Variants in PLD5 observed in about 807,000 individuals in gnomAD.
The protein encoded by PLD5 is phospholipase D family member 5, also known as inactive phospholipase D5.
A neutral mutation model predicts 61.1 loss-of-function variants in PLD5; 36 were observed. The observed-to-expected ratio is 0.59, with a 90% CI of 0.45 to 0.78. The LOEUF is 0.78. Among genes scored for constraint, PLD5 ranks in the 30% least tolerant of loss-of-function variants. The probability of loss-of-function intolerance (pLI) is 0.00; values close to 1 mark genes in which losing one functional copy is unlikely to be tolerated. For synonymous variants in PLD5, 243 were observed against 242.8 expected (o/e 1.00, Z -0.01); for missense variants, 515 against 644.4 (o/e 0.80, Z 2.17).
chr1:242,124,155 G>A (rs1662599379), intron 6 of PLD5, among the ~76,000 whole-genome samples: 1 of 152,204 alleles, frequency 6.6e-6, no homozygotes, highest in Admixed American at 6.5e-5. Context: ...CATCGGATGG[G>A]CTTTTTGCTA....
At chr1:242,519,138 T>C (rs1669197495) in intron 1 of PLD5, among the ~76,000 whole-genome samples, 1 of 152,254 alleles carries the variant, frequency 6.6e-6, no homozygotes, top group South Asian at 2.1e-4. Flanking sequence ...TAAAGATTCA[T>C]TCCCTTAGGT....
At chr1:242,222,762 C>T (rs1256639978) in intron 4 of PLD5, among the ~76,000 whole-genome samples, 2 of 152,200 alleles carry the variant, frequency 1.3e-5, no homozygotes, top group African/African-American at 4.8e-5. Flanking sequence ...TGTTATTTTG[C>T]AATTTAGCTT....
At chr1:242,393,016 C>G (rs1663024809) in intron 1 of PLD5, among the ~76,000 whole-genome samples, 1 of 150,674 alleles carries the variant, frequency 6.6e-6, no homozygotes, top group African/African-American at 2.4e-5. Context: ...CCAGCCTGGC[C>G]AACATGGTGA....
In PLD5 at chr1:242,095,955, C is replaced by T. The variant is rs1558213688; in HGVS notation, c.1354+4713G>A. Reference sequence around the variant, plus strand: ...CAACAGGAATGAAATAATATTCTCTCTTTTTTTTTCTTTTTTTTGAGACAG... The same window carrying T: ...CAACAGGAATGAAATAATATTCTCTTTTTTTTTTTCTTTTTTTTGAGACAG... On this transcript the variant is annotated intron_variant, in intron 9 of 9. Coordinates refer to ENST00000536534, the MANE Select transcript of PLD5 (RefSeq NM_001372062.1). 2.0e-5 allele frequency among the ~76,000 whole-genome samples: 3 copies of T among 151,458 alleles called. No homozygotes were observed. In the South Asian group the frequency reaches 6.3e-4, roughly 32 times the overall value.
At chr1:242,365,130 A>G (rs1269451369) in intron 1 of PLD5, 2 of 152,220 alleles carry the variant, frequency 1.3e-5, no homozygotes, top group African/African-American at 4.8e-5. Flanking sequence ...AAATGAACAA[A>G]TTTTTGTAAG....
At chr1:242,383,776 A>G (rs1381527584) in intron 1 of PLD5, among the ~76,000 whole-genome samples, 2 of 152,300 alleles carry the variant, frequency 1.3e-5, no homozygotes, top group South Asian at 4.1e-4. Context: ...AGCATATGAC[A>G]CAAAAATCTT....
intron 2 of PLD5, among the ~76,000 whole-genome samples, chr1:242,311,540 C>T (rs1419687241): frequency 6.6e-6 from 1 of 152,156 alleles, no homozygotes; most frequent in Non-Finnish European, 1.5e-5. Flanking sequence ...TTCAAGTCCA[C>T]CTTTTCTTAG....
intron 9 of PLD5, among the ~76,000 whole-genome samples, chr1:242,098,570 T>A (rs1017939539): frequency 6.6e-6 from 1 of 152,180 alleles, no homozygotes; most frequent in Non-Finnish European, 1.5e-5. Flanking sequence ...GTCAAAGTCA[T>A]TCTCCATCCA....
At chr1:242,487,234 A>T (rs573705293) in intron 1 of PLD5, among the ~76,000 whole-genome samples, 4 of 152,198 alleles carry the variant, frequency 2.6e-5, no homozygotes, top group African/African-American at 9.6e-5. Context: ...TGACCAAAGA[A>T]AAAAAAGAAA....
chr1:242,431,203 C>A (rs1665698109), intron 1 of PLD5, among the ~76,000 whole-genome samples: 1 of 152,236 alleles, frequency 6.6e-6, no homozygotes, highest in South Asian at 2.1e-4. Flanking sequence ...TGGAACTCTG[C>A]ATGCATTGAA....
chr1:242,413,873 G>T (rs1394302278), intron 1 of PLD5, among the ~76,000 whole-genome samples: 1 of 152,198 alleles, frequency 6.6e-6, no homozygotes, highest in African/African-American at 2.4e-5. Flanking sequence ...ACAAAGGGCA[G>T]AGAATAAGTT....
At chr1:242,303,555 G>A (rs1160071146) in intron 2 of PLD5, among the ~76,000 whole-genome samples, 6 of 152,364 alleles carry the variant, frequency 3.9e-5, no homozygotes, top group Middle Eastern at 3.4e-3. Flanking sequence ...AGACACAGGA[G>A]GTTGGTCCAT....
intron 1 of PLD5, among the ~76,000 whole-genome samples, chr1:242,470,579 G>A (rs919457544): frequency 2.6e-5 from 4 of 152,054 alleles, no homozygotes; most frequent in Admixed American, 1.3e-4. Context: ...TCAGCTACTA[G>A]AGTCTAGCCA....
chr1:242,259,304 ACC>A (rs1491403397), intron 4 of PLD5, among the ~76,000 whole-genome samples: 107 of 98,528 alleles, frequency 1.1e-3, no homozygotes, highest in Admixed American at 2.4e-3. Context: ...GCAAGACATC[ACC>A]CCTCTCTCTC....
At chr1:242,459,846 A>C (rs1215777629) in intron 1 of PLD5, among the ~76,000 whole-genome samples, 1 of 152,060 alleles carries the variant, frequency 6.6e-6, no homozygotes, top group Non-Finnish European at 1.5e-5. Flanking sequence ...CTATAAAGGG[A>C]TGCATGGGGG....
In PLD5 at chr1:242,207,854, ATATATT is replaced by A. The variant is rs1260534872; in HGVS notation, c.735+12128_735+12133del. On this transcript the variant is annotated intron_variant, in intron 5 of 9. Transcript: ENST00000536534. The stretch of plus-strand genomic sequence containing the variant: ...TATATTTATATATTTATATATATTT[ATATATT>A]TATATATTTATATATATTTATATAT... Among the ~76,000 whole-genome samples the A allele has an allele frequency of 4.0e-4, 19 of 47,558 alleles. 1 individual carries two copies. The highest frequency in any genetic ancestry group is 1.1e-3 in the African/African-American group (11 of 10,296). 31.2% of individuals were successfully genotyped at this position (47,558 alleles called of 152,430 possible).
chr1:242,204,216 C>T (rs1164343508), intron 5 of PLD5, among the ~76,000 whole-genome samples: 3 of 151,194 alleles, frequency 2.0e-5, no homozygotes, highest in Non-Finnish European at 4.4e-5. Context: ...GCACTCCAGT[C>T]TGGGCGACAG....
chr1:242,340,745 C>T (rs1344836249), intron 2 of PLD5, among the ~76,000 whole-genome samples: 2 of 152,104 alleles, frequency 1.3e-5, no homozygotes, highest in African/African-American at 4.8e-5. Context: ...TTGCAAAGCT[C>T]CTAAGTATAG....
chr1:242,354,747 A>G (rs1660663329), intron 1 of PLD5, among the ~76,000 whole-genome samples: 1 of 151,972 alleles, frequency 6.6e-6, no homozygotes, highest in Admixed American at 6.5e-5. Context: ...ACCATTGAGT[A>G]TAATGTTATC....
Sources: allele counts gnomAD v4.1 joint callset (sites outside exome capture counted in the v4.1 genomes callset), GRCh38; gene constraint gnomAD v4.1.1; transcripts MANE v1.5; gene names NCBI Gene and HGNC (gene_info 2026-07-23, HGNC 2026-07-21).